The following RASSF3 variants were observed in gnomAD, a reference collection of about 807,000 sequenced individuals.
RASSF3 encodes the protein ras association domain-containing protein 3.
In RASSF3, 19 loss-of-function variants were observed where a neutral mutation model predicts 19.9. The ratio of observed to expected loss-of-function variants is 0.96; its 90% CI spans 0.67 to 1.40. The LOEUF is 1.40. RASSF3 is among the 40% of genes most tolerant of loss of function. RASSF3 has a pLI of 0.00. For synonymous variants in RASSF3, 110 were observed against 104.2 expected (o/e 1.06, Z -0.34); for missense variants, 306 against 289.8 (o/e 1.06, Z -0.41).
upstream of RASSF3, among the ~76,000 whole-genome samples, chr12:64,528,526 G>A (rs7970355): frequency 0.053 from 8,072 of 152,232 alleles, 562 homozygotes; most frequent in East Asian, 0.22. Context: ...ACATCAACCT[G>A]CTGGTTTTAC....
At chr12:64,560,881 G>A (rs1241006912) in intron 2 of RASSF3, among the ~76,000 whole-genome samples, 1 of 152,222 alleles carries the variant, frequency 6.6e-6, no homozygotes, top group Non-Finnish European at 1.5e-5. Context: ...GGATCTGATA[G>A]GAGACTCTCA....
intron 1 of RASSF3, among the ~76,000 whole-genome samples, chr12:64,521,461 A>C (rs978077506): frequency 6.6e-6 from 1 of 152,230 alleles, no homozygotes; most frequent in Admixed American, 6.5e-5. Context: ...AGAAGACATC[A>C]ACTCTAAAAG....
downstream of RASSF3, among the ~76,000 whole-genome samples, chr12:64,544,168 A>AACGCCCACCGTGAAACGCTC (rs1425372835): frequency 2.0e-5 from 3 of 151,990 alleles, no homozygotes; most frequent in Non-Finnish European, 4.4e-5. Flanking sequence ...TATGAGCTGT[A>AACGCCCACCGTGAAACGCTC]ACGCCCACCG....
intron 1 of RASSF3, among the ~76,000 whole-genome samples, chr12:64,527,183 T>C (rs1014073473): frequency 2.6e-5 from 4 of 152,158 alleles, no homozygotes; most frequent in African/African-American, 9.7e-5. Flanking sequence ...AATCCTATCA[T>C]TGAGTCCCAG....
chr12:64,644,848 T>C (rs1346353983), intron 1 of RASSF3, among the ~76,000 whole-genome samples: 1 of 152,204 alleles, frequency 6.6e-6, no homozygotes, highest in Non-Finnish European at 1.5e-5. Context: ...TTTGTGTCTA[T>C]GTTAGTGTGA....
At chr12:64,536,367 G>A (rs1868828134) in intron 1 of RASSF3, among the ~76,000 whole-genome samples, 2 of 152,130 alleles carry the variant, frequency 1.3e-5, no homozygotes, top group South Asian at 4.1e-4. Context: ...TCTGCTGTAG[G>A]CTGATATTGT....
intron 2 of RASSF3, among the ~76,000 whole-genome samples, chr12:64,548,487 G>A (rs907809083): frequency 6.6e-6 from 1 of 152,158 alleles, no homozygotes; most frequent in Non-Finnish European, 1.5e-5. Flanking sequence ...ACAGCACCTG[G>A]CCAACAATTT....
intron 1 of RASSF3, among the ~76,000 whole-genome samples, chr12:64,629,175 T>C (rs1378335482): frequency 6.6e-6 from 1 of 151,720 alleles, no homozygotes; most frequent in Non-Finnish European, 1.5e-5. Flanking sequence ...TGACTTTGGC[T>C]CACTGCAACC....
At chr12:64,542,122 G>A (rs1437040926), downstream of RASSF3, among the ~76,000 whole-genome samples, 2 of 151,904 alleles carry the variant, frequency 1.3e-5, no homozygotes, top group African/African-American at 4.8e-5. Context: ...GCAACATGGT[G>A]AGACCCGCAT....
intron 1 of RASSF3, among the ~76,000 whole-genome samples, chr12:64,512,871 G>C (rs1168143181): frequency 2.0e-5 from 3 of 152,110 alleles, no homozygotes; most frequent in Admixed American, 6.5e-5. Flanking sequence ...TCAGAAAGTA[G>C]CATAAGTTTA....
At chr12:64,627,524 A>G (rs544809288) in intron 1 of RASSF3, among the ~76,000 whole-genome samples, 5 of 152,172 alleles carry the variant, frequency 3.3e-5, no homozygotes, top group African/African-American at 4.8e-5. Context: ...TTTCACCATG[A>G]TATTTTCAGT....
At chr12:64,609,901 C>T (rs1459628042), upstream of RASSF3, among the ~76,000 whole-genome samples, 3 of 152,174 alleles carry the variant, frequency 2.0e-5, no homozygotes, top group Non-Finnish European at 2.9e-5. Flanking sequence ...AAATGAATGA[C>T]CAGAAAGGAT....
intron 1 of RASSF3, among the ~76,000 whole-genome samples, chr12:64,669,721 C>A (rs1872635860): frequency 6.6e-6 from 1 of 151,662 alleles, no homozygotes; most frequent in Non-Finnish European, 1.5e-5. Context: ...CCGGCTGGGC[C>A]ACTGACCGCA....
intron 1 of RASSF3, among the ~76,000 whole-genome samples, chr12:64,664,753 A>G (rs1376695916): frequency 6.6e-6 from 1 of 152,208 alleles, no homozygotes; most frequent in Non-Finnish European, 1.5e-5. Flanking sequence ...ATGAAGCCAA[A>G]TCACAAAATT....
intron 1 of RASSF3, among the ~76,000 whole-genome samples, chr12:64,672,380 C>T (rs942632507): frequency 3.9e-5 from 6 of 152,200 alleles, no homozygotes; most frequent in South Asian, 2.1e-4. Flanking sequence ...CCGGTGCCAC[C>T]ATGCCCAGCT....
At chr12:64,631,899 G>A (rs2136173809) in intron 1 of RASSF3, among the ~76,000 whole-genome samples, 1 of 152,130 alleles carries the variant, frequency 6.6e-6, no homozygotes, top group Non-Finnish European at 1.5e-5. Flanking sequence ...TTTTAGATGA[G>A]AGGACTTCAA....
At chr12:64,578,711 A>G (rs189759916) in intron 2 of RASSF3, among the ~76,000 whole-genome samples, 164 of 152,356 alleles carry the variant, frequency 1.1e-3, no homozygotes, top group African/African-American at 3.6e-3. Flanking sequence ...TCGTGAAACT[A>G]AATCCACCTG....
intron 1 of RASSF3, among the ~76,000 whole-genome samples, chr12:64,618,276 A>G (rs1775417451): frequency 6.6e-6 from 1 of 152,110 alleles, no homozygotes; most frequent in Non-Finnish European, 1.5e-5. Context: ...TTAAACAGGT[A>G]GTTCTGGTTT....
chr12:64,541,613 G>C (rs1868935236), exon 2 of RASSF3: 1 of 398,450 alleles, frequency 2.5e-6, no homozygotes, highest in Non-Finnish European at 4.4e-6. Context: ...TCACTGCCGA[G>C]ACCTGGTACA....
Sources: gnomAD v4.1 joint callset for allele counts (sites outside exome capture counted in the v4.1 genomes callset) on GRCh38, gnomAD v4.1.1 for gene constraint, MANE v1.5 for transcripts, NCBI Gene and HGNC (gene_info 2026-07-23, HGNC 2026-07-21) for gene names.